OCA2: variants seen among roughly 807,000 people sequenced by gnomAD.
OCA2 encodes the protein P protein.
A neutral mutation model predicts 100.2 loss-of-function variants in OCA2; 77 were observed. The observed-to-expected ratio is 0.77, with a 90% CI of 0.64 to 0.93. The LOEUF is 0.93. Ranked by LOEUF, OCA2 falls within the 40% of genes least tolerant of loss-of-function variation. The pLI, the probability that OCA2 is intolerant of heterozygous loss-of-function variation, is 0.00. For synonymous variants in OCA2, 432 were observed against 439.2 expected, an observed-to-expected ratio of 0.98 and a Z score of 0.21; for missense variants, 1,062 against 1,089.1, an observed-to-expected ratio of 0.98 and a Z score of 0.35.
intron 21 of OCA2, among the ~76,000 whole-genome samples, chr15:27,869,276 G>A (rs1014764633): frequency 1.4e-4 from 21 of 152,206 alleles, no homozygotes; most frequent in Non-Finnish European, 2.6e-4. Flanking sequence ...CCCCCACAGC[G>A]GCCACTGCAG....
chr15:28,000,063 G>T (rs1396897095), intron 9 of OCA2, among the ~76,000 whole-genome samples: 1 of 152,128 alleles, frequency 6.6e-6, no homozygotes, highest in Non-Finnish European at 1.5e-5. Flanking sequence ...CAGATTCAAT[G>T]CAATCCCTAT....
At chr15:27,840,487 C>T (rs2035302708) in intron 23 of OCA2, among the ~76,000 whole-genome samples, 1 of 152,074 alleles carries the variant, frequency 6.6e-6, no homozygotes, top group Non-Finnish European at 1.5e-5. Flanking sequence ...ATTTCTGATC[C>T]TAATAAAAGT....
Sources: gnomAD v4.1 joint callset for allele counts (sites outside exome capture counted in the v4.1 genomes callset) on GRCh38, gnomAD v4.1.1 for gene constraint, MANE v1.5 for transcripts, NCBI Gene and HGNC (gene_info 2026-07-23, HGNC 2026-07-21) for gene names.